The following LMO7 variants were observed in gnomAD, a reference collection of about 807,000 sequenced individuals.
LMO7 encodes the protein LIM domain only protein 7.
LMO7 carries 120 observed loss-of-function variants against 206.5 expected under a neutral mutation model. The ratio of observed to expected loss-of-function variants is 0.58; its 90% CI spans 0.50 to 0.68. LMO7 has a LOEUF of 0.68. Among genes scored for constraint, LMO7 ranks in the 30% least tolerant of loss-of-function variants. The pLI, the probability that LMO7 is intolerant of heterozygous loss-of-function variation, is 0.00. For synonymous variants in LMO7, 706 were observed against 681.5 expected (o/e 1.04, Z -0.56); for missense variants, 1,959 against 1,957.9 (o/e 1.00, Z -0.01).
At chr13:75,817,572 G>A (rs992487300) in intron 12 of LMO7, among the ~76,000 whole-genome samples, 6 of 152,078 alleles carry the variant, frequency 3.9e-5, no homozygotes, top group Non-Finnish European at 5.9e-5. Flanking sequence ...ACTTGTTTTG[G>A]TGGTTGAATT....
rs143832542 is a variant in LMO7 at position 75,856,242 on chromosome 13, A to G, written c.4771-264A>G. Among the ~76,000 whole-genome samples the G allele has an allele frequency of 8.2e-4, 125 of 152,264 alleles. 3 individuals carry two copies. The East Asian group carries it at 0.023, about 28-fold the overall frequency. On this transcript the variant is annotated intron_variant, in intron 29 of 30. Transcript: ENST00000377534. Reference sequence around the variant, plus strand: ...GATAAAAACTAAATTTCTTAAAGTCAATCAGCAAATTATTTCTATTTTTGG... The same window carrying G: ...GATAAAAACTAAATTTCTTAAAGTCGATCAGCAAATTATTTCTATTTTTGG...
chr13:75,811,620 G>A (rs2056408727), intron 11 of LMO7, among the ~76,000 whole-genome samples: 1 of 152,190 alleles, frequency 6.6e-6, no homozygotes, highest in Non-Finnish European at 1.5e-5. Flanking sequence ...TGAAGTCTGA[G>A]ACTGTTAATT....
chr13:75,743,140 A>G (rs1405947790), intron 3 of LMO7, among the ~76,000 whole-genome samples: 1 of 152,252 alleles, frequency 6.6e-6, no homozygotes, highest in African/African-American at 2.4e-5. Context: ...ACTAATCATT[A>G]GAGAAATGCA....
chr13:75,716,050 A>C (rs2043505029), intron 2 of LMO7, among the ~76,000 whole-genome samples: 1 of 152,214 alleles, frequency 6.6e-6, no homozygotes, highest in Non-Finnish European at 1.5e-5. Context: ...TCACTGCCAG[A>C]ATCATATTTC....
intron 24 of LMO7, 86 bp downstream of exon 24, chr13:75,842,069 AC>A: frequency 1.0e-6 from 1 of 972,250 alleles, no homozygotes; most frequent in Non-Finnish European, 1.5e-6. Flanking sequence ...CCTGTTTCCT[AC>A]CACCCATTCT....
In LMO7 at chr13:75,804,327, A is replaced by T. The variant is rs760381813; in HGVS notation, c.700A>T (p.Met234Leu). 2.5e-6 allele frequency: 4 copies of T among 1,613,674 alleles called. No individual in the cohort carries two copies. The highest frequency in any genetic ancestry group is 1.7e-6 in the Non-Finnish European group (2 of 1,179,682). The change falls in exon 8 of 31, where the codon ATG (methionine) becomes TTG (leucine). Residue 234 changes from methionine (M) to leucine (L), a missense_variant. Coordinates refer to ENST00000377534, the MANE Select transcript of LMO7 (RefSeq NM_001306080.2). ...CACAGATTCGGAATTTACATTTAAG[A>T]TGCAGGATTATAATAAAGATGATAT... ...SDTDSEFTFK[M>L]QDYNKDDMSY...
chr13:75,648,696 G>C (rs912709425), intron 1 of LMO7, among the ~76,000 whole-genome samples: 3 of 152,234 alleles, frequency 2.0e-5, no homozygotes, highest in Non-Finnish European at 4.4e-5. Context: ...GTTGGGATGG[G>C]ACAGGGCCTT....
intron 1 of LMO7, among the ~76,000 whole-genome samples, chr13:75,647,289 T>C (rs138233913): frequency 6.6e-6 from 1 of 152,334 alleles, no homozygotes; most frequent in African/African-American, 2.4e-5. Flanking sequence ...CCCTGTGACA[T>C]GACTAACTTC....
rs2044383460 is a variant in LMO7 at position 75,725,390 on chromosome 13, G to A, written c.141-1639G>A. 1.3e-5 allele frequency among the ~76,000 whole-genome samples: 2 copies of A among 152,190 alleles called. 1 individual carries two copies. The highest frequency in any genetic ancestry group is 3.9e-4 in the East Asian group (2 of 5,190). ...TCAAAATACACGTTACTATAAGTCA[G>A]TGCTGAGCTAGTGCTCACAAACTGC... On this transcript the variant is annotated intron_variant, in intron 2 of 30. Coordinates refer to ENST00000377534, the MANE Select transcript of LMO7 (RefSeq NM_001306080.2).
At chr13:75,650,442 A>G (rs924532698) in intron 1 of LMO7, among the ~76,000 whole-genome samples, 4 of 151,050 alleles carry the variant, frequency 2.6e-5, no homozygotes, top group Non-Finnish European at 5.9e-5. Flanking sequence ...TTTTTTTCTT[A>G]ATGATACTTC....
chr13:75,844,953 T>G (rs2059869347), intron 25 of LMO7, among the ~76,000 whole-genome samples: 1 of 152,062 alleles, frequency 6.6e-6, no homozygotes, highest in African/African-American at 2.4e-5. Flanking sequence ...GTGGGGGAAG[T>G]GGGACAGTCT....
At chr13:75,828,950 C>T (rs995645995) in intron 15 of LMO7, among the ~76,000 whole-genome samples, 9 of 152,026 alleles carry the variant, frequency 5.9e-5, no homozygotes, top group African/African-American at 2.2e-4. Flanking sequence ...GAGAAAGAGG[C>T]CTCGAAGGAA....
chr13:75,768,964 ATT>A (rs1435960685), intron 4 of LMO7, among the ~76,000 whole-genome samples: 1 of 152,102 alleles, frequency 6.6e-6, no homozygotes, highest in Non-Finnish European at 1.5e-5. Flanking sequence ...TACCTTAGGC[ATT>A]AAAAAATTAT....
At chr13:75,803,044 G>A (rs573669342) in intron 7 of LMO7, among the ~76,000 whole-genome samples, 2 of 152,204 alleles carry the variant, frequency 1.3e-5, no homozygotes, top group South Asian at 2.1e-4. Context: ...TATGGATTTC[G>A]GCAGGAGTAA....
chr13:75,698,490 A>G (rs372359709), intron 1 of LMO7, among the ~76,000 whole-genome samples: 1 of 151,674 alleles, frequency 6.6e-6, no homozygotes, highest in Non-Finnish European at 1.5e-5. Flanking sequence ...GCTTCTCACT[A>G]TGTTGCTCAG....
At chr13:75,785,454 G>A (rs775548098) in intron 4 of LMO7, among the ~76,000 whole-genome samples, 6 of 151,984 alleles carry the variant, frequency 3.9e-5, no homozygotes, top group Non-Finnish European at 5.9e-5. Context: ...GATAGAAAGT[G>A]ATTAATAAAG....
chr13:75,670,454 C>G (rs1377433747), intron 1 of LMO7, among the ~76,000 whole-genome samples: 6 of 152,140 alleles, frequency 3.9e-5, no homozygotes, highest in Non-Finnish European at 8.8e-5. Context: ...TGTAGCCTAT[C>G]AAACACATAG....
chr13:75,806,279 AGCCT>A, intron 9 of LMO7: 1 of 986,492 alleles, frequency 1.0e-6, no homozygotes, highest in Non-Finnish European at 1.2e-6. Context: ...TGTCTGCATG[AGCCT>A]GCCTGCTGCG....
chr13:75,690,363 G>A (rs1017136402), intron 1 of LMO7, among the ~76,000 whole-genome samples: 2 of 152,058 alleles, frequency 1.3e-5, no homozygotes, highest in African/African-American at 2.4e-5. Flanking sequence ...GGCTTTCCGG[G>A]AGGCCTGCCC....
Sources: allele counts gnomAD v4.1 joint callset (sites outside exome capture counted in the v4.1 genomes callset), GRCh38; gene constraint gnomAD v4.1.1; transcripts MANE v1.5; gene names NCBI Gene and HGNC (gene_info 2026-07-23, HGNC 2026-07-21).